ZNRF1: variants seen among roughly 807,000 people sequenced by gnomAD.
ZNRF1 encodes E3 ubiquitin-protein ligase ZNRF1.
A neutral mutation model predicts 18.4 loss-of-function variants in ZNRF1; 3 were observed. That is an observed-to-expected ratio of 0.16 (90% confidence interval 0.07 to 0.42). The LOEUF (loss-of-function observed/expected upper bound fraction) is 0.42, where lower values mean the gene tolerates loss of function less well. ZNRF1 is among the 10% of genes least tolerant of loss of function. The pLI is 0.99. For synonymous variants in ZNRF1, 157 were observed against 144.2 expected, an observed-to-expected ratio of 1.09 and a Z score of -0.64; for missense variants, 310 against 329.8, an observed-to-expected ratio of 0.94 and a Z score of 0.47.
intron 1 of ZNRF1, among the ~76,000 whole-genome samples, chr16:75,025,673 G>A (rs1400155857): frequency 6.6e-6 from 1 of 152,166 alleles, no homozygotes; most frequent in Non-Finnish European, 1.5e-5. Flanking sequence ...TTCGTAAGAG[G>A]GGATTCATAG....
intron 1 of ZNRF1, among the ~76,000 whole-genome samples, chr16:75,032,110 T>G (rs1358914789): frequency 1.4e-5 from 2 of 146,414 alleles, no homozygotes; most frequent in South Asian, 2.2e-4. Context: ...TGAGGTTTTT[T>G]TTTTTTTTTT....
Position 75,067,450 on chromosome 16 carries a change from A to G in ZNRF1, c.425-26122A>G, listed in dbSNP as rs57953666. ...ATCTTTGGAAAATACAGTCTGCTAC[A>G]AGTAAAACCCGTTCAGAATTCTAAT... On this transcript the variant is annotated intron_variant, in intron 1 of 4. Coordinates refer to ENST00000335325, the MANE Select transcript of ZNRF1 (RefSeq NM_032268.5). Among the ~76,000 whole-genome samples the G allele has an allele frequency of 6.8e-3, 1,040 of 152,330 alleles. 8 individuals carry two copies. Among genetic ancestry groups the G allele is most frequent in the African/African-American group, 0.024 (1,009 of 41,570 alleles).
intron 1 of ZNRF1, among the ~76,000 whole-genome samples, chr16:75,065,011 C>T (rs1180657345): frequency 6.6e-6 from 1 of 152,240 alleles, no homozygotes; most frequent in African/African-American, 2.4e-5. Flanking sequence ...TCTCACCCCA[C>T]TTCACGTGAG....
intron 1 of ZNRF1, among the ~76,000 whole-genome samples, chr16:75,034,772 G>A (rs2035355099): frequency 6.6e-6 from 1 of 152,006 alleles, no homozygotes; most frequent in Non-Finnish European, 1.5e-5. Flanking sequence ...GATTACAGGT[G>A]TGCACCACTA....
chr16:75,035,193 A>G (rs2035362129), intron 1 of ZNRF1, among the ~76,000 whole-genome samples: 1 of 137,080 alleles, frequency 7.3e-6, no homozygotes, highest in Non-Finnish European at 1.5e-5. Flanking sequence ...AGGTGTGTGC[A>G]CAACTATATT....
In ZNRF1 at chr16:75,005,383, A is replaced by AT. The variant is rs537753237; in HGVS notation, c.424+5288_424+5289insT. Among the ~76,000 whole-genome samples the AT allele has an allele frequency of 1.2e-4, 19 of 152,338 alleles. 2 individuals carry two copies. The highest frequency in any genetic ancestry group is 1.0e-3 in the South Asian group (5 of 4,832). ...TCTTAAAGCGTTTGCTTTATGGGAT[A>AT]CTACATTTTGATATTAAACAAAGAC... On this transcript the variant is annotated intron_variant, in intron 1 of 4. Transcript: ENST00000335325.
chr16:75,081,637 G>A (rs2036013668), intron 1 of ZNRF1, among the ~76,000 whole-genome samples: 1 of 152,150 alleles, frequency 6.6e-6, no homozygotes, highest in Admixed American at 6.5e-5. Flanking sequence ...GCAGTGTGTC[G>A]GCGGTGGAAA....
At chr16:75,021,025 A>G (rs751661398) in intron 1 of ZNRF1, among the ~76,000 whole-genome samples, 1 of 152,030 alleles carries the variant, frequency 6.6e-6, no homozygotes, top group Non-Finnish European at 1.5e-5. Flanking sequence ...CGGTATTACA[A>G]TTCTACCTTG....
chr16:75,005,994 T>C (rs774402682), intron 1 of ZNRF1, among the ~76,000 whole-genome samples: 14 of 152,216 alleles, frequency 9.2e-5, no homozygotes, highest in Non-Finnish European at 1.8e-4. Flanking sequence ...GTGCAACATG[T>C]GACTGTATTG....
chr16:75,058,221 C>T (rs1428655105), intron 1 of ZNRF1, among the ~76,000 whole-genome samples: 2 of 151,920 alleles, frequency 1.3e-5, no homozygotes, highest in African/African-American at 4.8e-5. Context: ...AGTCCTCCCA[C>T]CTCAGCCTGC....
At chr16:75,064,144 C>T (rs1476562732) in intron 1 of ZNRF1, among the ~76,000 whole-genome samples, 1 of 150,908 alleles carries the variant, frequency 6.6e-6, no homozygotes, top group Non-Finnish European at 1.5e-5. Context: ...ACCAAAAATA[C>T]AAAAAAAACA....
chr16:75,083,863 G>T (rs1325418184), intron 1 of ZNRF1, among the ~76,000 whole-genome samples: 3 of 152,270 alleles, frequency 2.0e-5, no homozygotes, highest in Admixed American at 2.0e-4. Context: ...AGCAGCAGGA[G>T]TACTAGAAAG....
At position 75,069,814 on chromosome 16, in the gene ZNRF1, A is replaced by C. The variant is rs978954030; in HGVS notation, c.425-23758A>C. ...CACACCAGATAAACCAGCTATCTCC[A>C]CTTACATGTTTCTCACATTCCTAGA... On this transcript the variant is annotated intron_variant, in intron 1 of 4. Coordinates refer to ENST00000335325, the MANE Select transcript of ZNRF1 (RefSeq NM_032268.5). 2.6e-5 allele frequency among the ~76,000 whole-genome samples: 4 copies of C among 152,116 alleles called. No homozygotes were observed. In the East Asian group the frequency reaches 7.7e-4, roughly 29 times the overall value.
At chr16:75,105,654 C>G (rs1409885545) in intron 3 of ZNRF1, 1 of 152,274 alleles carries the variant, frequency 6.6e-6, no homozygotes, top group Non-Finnish European at 1.5e-5. Flanking sequence ...GGGAGAGATT[C>G]TTGGTCTAGC....
intron 1 of ZNRF1, among the ~76,000 whole-genome samples, chr16:75,034,217 A>G (rs916024836): frequency 1.3e-5 from 2 of 152,182 alleles, no homozygotes; most frequent in Non-Finnish European, 2.9e-5. Context: ...GTAGTGTTAA[A>G]TATATTTACA....
At chr16:75,030,195 C>T (rs191274209) in intron 1 of ZNRF1, among the ~76,000 whole-genome samples, 5 of 152,108 alleles carry the variant, frequency 3.3e-5, no homozygotes, top group Non-Finnish European at 7.4e-5. Context: ...TTACCATACT[C>T]ATGACAGTAC....
intron 1 of ZNRF1, among the ~76,000 whole-genome samples, chr16:75,057,781 C>G (rs1057216257): frequency 1.3e-5 from 2 of 152,194 alleles, no homozygotes; most frequent in African/African-American, 4.8e-5. Context: ...GCTGGGATTA[C>G]AGGTGTGCAC....
rs1491052513 is a variant in ZNRF1, at chr16:75,010,717, TTG to T, written c.424+10624_424+10625del. Among the ~76,000 whole-genome samples, 107 of 54,480 alleles carry T rather than the reference TTG, an allele frequency of 2.0e-3. 6 individuals are homozygous for T. Among genetic ancestry groups the T allele is most frequent in the Non-Finnish European group, 2.7e-3 (44 of 16,152 alleles). 35.7% of individuals were successfully genotyped at this position (54,480 alleles called of 152,430 possible). A position where few individuals can be genotyped will look rare whatever the true frequency, so the allele number is the denominator to read the frequency against. ...TACTGTACTGTTTTTTTTTGTTTTT[TTG>T]TTTTTTTTTTTTTGAGGAGTCTCGC... On this transcript the variant is annotated intron_variant, in intron 1 of 4. Transcript: ENST00000335325.
intron 1 of ZNRF1, among the ~76,000 whole-genome samples, chr16:75,039,716 G>A (rs907264552): frequency 2.0e-5 from 3 of 152,238 alleles, no homozygotes; most frequent in Non-Finnish European, 2.9e-5. Context: ...CCAGTGGGAA[G>A]AGAGGGGTTG....
Sources: gnomAD v4.1 joint callset for allele counts (sites outside exome capture counted in the v4.1 genomes callset) on GRCh38, gnomAD v4.1.1 for gene constraint, MANE v1.5 for transcripts, NCBI Gene and HGNC (gene_info 2026-07-23, HGNC 2026-07-21) for gene names.